GPCPD1: variants seen among roughly 807,000 people sequenced by gnomAD.
GPCPD1 encodes the protein glycerophosphocholine phosphodiesterase 1.
GPCPD1 carries 29 observed loss-of-function variants against 89.2 expected under a neutral mutation model. The ratio of observed to expected loss-of-function variants is 0.33; its 90% CI spans 0.24 to 0.44. The LOEUF (loss-of-function observed/expected upper bound fraction) is 0.44, where lower values mean the gene tolerates loss of function less well. Among genes scored for constraint, GPCPD1 ranks in the 20% least tolerant of loss-of-function variants. The pLI, the probability that GPCPD1 is intolerant of heterozygous loss-of-function variation, is 1.00. For missense variants in GPCPD1, 594 were observed against 808.9 expected (o/e 0.73, Z 3.22); for synonymous variants, 258 against 266.3 (o/e 0.97, Z 0.30).
chr20:5,608,433 A>G (rs1980739824), intron 1 of GPCPD1, among the ~76,000 whole-genome samples: 1 of 152,184 alleles, frequency 6.6e-6, no homozygotes, highest in African/African-American at 2.4e-5. Context: ...ACCAAATAAA[A>G]GCCTCAGGAG....
At chr20:5,609,419 A>C (rs1980806074) in intron 1 of GPCPD1, among the ~76,000 whole-genome samples, 1 of 152,228 alleles carries the variant, frequency 6.6e-6, no homozygotes, top group Admixed American at 6.5e-5. Context: ...ACGTTAATGG[A>C]TCTTTATTTA....
intron 2 of GPCPD1, 49 bp from the exon 3 acceptor site, chr20:5,598,870 A>C: frequency 8.5e-7 from 1 of 1,170,102 alleles, no homozygotes. Context: ...AATCAGTCAC[A>C]GTGGGATAAG....
chr20:5,576,769 C>T (rs1978290301), intron 8 of GPCPD1, among the ~76,000 whole-genome samples: 1 of 152,138 alleles, frequency 6.6e-6, no homozygotes. Context: ...ATACTATACT[C>T]ACTTTGAGAT....
intron 3 of GPCPD1, 73 bp downstream of exon 3, chr20:5,598,652 G>C: frequency 1.2e-6 from 1 of 816,410 alleles, no homozygotes; most frequent in East Asian, 2.6e-5. Flanking sequence ...AAAATACCAA[G>C]ATATCTTAAA....
rs767232130 is a variant in GPCPD1, at chr20:5,567,513, T to G, written c.1197A>C (p.Glu399Asp). 6.4e-7 allele frequency: 1 copy of G among 1,564,270 alleles called. No individual in the cohort carries two copies. Among genetic ancestry groups the G allele is most frequent in the East Asian group, 2.3e-5 (1 of 43,796 alleles). ...PVELFEIPVK[E>D]LTFDQLQLLK... Reference sequence around the variant, plus strand: ...ACAACTGGAGTTGGTCAAATGTTAATTCTTTTACTGGAATTTCAAATAATT... The same window carrying G: ...ACAACTGGAGTTGGTCAAATGTTAAGTCTTTTACTGGAATTTCAAATAATT... Residue 399 changes from glutamate to aspartate, a missense_variant, in exon 13 of 20, where the codon GAA becomes GAC. Transcript: ENST00000379019.
chr20:5,600,403 A>G (rs2122789535), intron 2 of GPCPD1, among the ~76,000 whole-genome samples: 1 of 152,090 alleles, frequency 6.6e-6, no homozygotes, highest in South Asian at 2.1e-4. Context: ...AAAAATACAA[A>G]AAGGCCAGGT....
In GPCPD1 at chr20:5,561,509, CT is replaced by C; in HGVS notation, c.1350del (p.Asp451MetfsTer2). 1 of 1,601,588 alleles carries C rather than the reference CT, an allele frequency of 6.2e-7. No individual in the cohort carries two copies. The highest frequency in any genetic ancestry group is 8.5e-7 in the Non-Finnish European group (1 of 1,169,852). On this transcript the variant is annotated frameshift_variant, in exon 16 of 20. Transcript: ENST00000379019. LOFTEE classifies it high-confidence loss of function. ...TTTATTTCAATGTTAAACCCTACAT[CT>C]TCTGGCAAAGACTCTAAAACCTACA... ...SLKMVLESLP[E>X]DVGFNIEIKW...
rs115489051 is a variant in GPCPD1 at position 5,564,239 on chromosome 20, A to G, written c.1329+778T>C. On this transcript the variant is annotated intron_variant, in intron 15 of 19. Transcript: ENST00000379019. ...TTCAGAGTGAATTTCTGAAATTTCA[A>G]TATCATCTTAAGTAAGAGGGGCACT... Among the ~76,000 whole-genome samples, 1,132 of 152,084 alleles carry G rather than the reference A, an allele frequency of 7.4e-3. 12 individuals carry two copies. Among genetic ancestry groups the G allele is most frequent in the African/African-American group, 0.025 (1,041 of 41,482 alleles).
At chr20:5,604,611 C>CGGGGGGG in intron 1 of GPCPD1, among the ~76,000 whole-genome samples, 171 bp from the exon 2 acceptor site, 1 of 6,206 alleles carries the variant, frequency 1.6e-4, no homozygotes, top group African/African-American at 4.0e-4. Flanking sequence ...AACTTTAGTG[C>CGGGGGGG]GGGGGGGGGG....
chr20:5,586,007 T>C, intron 5 of GPCPD1, 187 bp downstream of exon 5: 1 of 433,452 alleles, frequency 2.3e-6, no homozygotes, highest in South Asian at 6.0e-5. Flanking sequence ...CTAATAAAGT[T>C]TATTTTAAGA....
chr20:5,566,434 G>A (rs576907992), intron 14 of GPCPD1, among the ~76,000 whole-genome samples: 12 of 152,220 alleles, frequency 7.9e-5, no homozygotes, highest in African/African-American at 1.2e-4. Flanking sequence ...CCCTGTAGCC[G>A]GATTCTATAG....
intron 19 of GPCPD1, among the ~76,000 whole-genome samples, chr20:5,555,040 T>A (rs763193299): frequency 8.5e-5 from 13 of 152,208 alleles, no homozygotes; most frequent in Non-Finnish European, 1.9e-4. Context: ...TGTGACTGAA[T>A]TGCTGCAATC....
At chr20:5,559,395 G>A (rs1985961214) in intron 17 of GPCPD1, among the ~76,000 whole-genome samples, 1 of 152,170 alleles carries the variant, frequency 6.6e-6, no homozygotes. Flanking sequence ...ACACCAGCCT[G>A]TGAAAGAGGA....
intron 19 of GPCPD1, 43 bp downstream of exon 19, chr20:5,557,902 A>G: frequency 9.2e-7 from 1 of 1,087,474 alleles, no homozygotes; most frequent in Non-Finnish European, 1.4e-6. Context: ...GATGAAATCT[A>G]TACTTCTAAA....
chr20:5,593,463 A>G, intron 3 of GPCPD1, 52 bp from the exon 4 acceptor site: 1 of 896,568 alleles, frequency 1.1e-6, no homozygotes, highest in Non-Finnish European at 1.8e-6. Context: ...ACTACAGTGC[A>G]TAAAGACTTC....
At chr20:5,581,443 C>A (rs1978476338) in intron 6 of GPCPD1, among the ~76,000 whole-genome samples, 2 of 152,150 alleles carry the variant, frequency 1.3e-5, no homozygotes, top group Admixed American at 1.3e-4. Flanking sequence ...AGCAATTGTT[C>A]TACTAGGGAT....
intron 19 of GPCPD1, among the ~76,000 whole-genome samples, chr20:5,549,771 A>AG (rs1491454097): frequency 7.1e-6 from 1 of 139,960 alleles, no homozygotes; most frequent in Non-Finnish European, 1.6e-5. Flanking sequence ...AAAAAAAAAA[A>AG]TCCTTAATGA....
chr20:5,550,141 C>CCCAGAT (rs1985299799), intron 19 of GPCPD1, among the ~76,000 whole-genome samples: 1 of 151,640 alleles, frequency 6.6e-6, no homozygotes, highest in African/African-American at 2.4e-5. Context: ...TTGCAGTGAG[C>CCCAGAT]CCAGATCGCA....
In GPCPD1 at chr20:5,595,087, C is replaced by A. The variant is rs547424295; in HGVS notation, c.147-1676G>T. Reference sequence around the variant, plus strand: ...ACGACTCTGATCAGTTAGCAGCCATCAACATTGAGACAAAACTCTCCACCA... The same window carrying A: ...ACGACTCTGATCAGTTAGCAGCCATAAACATTGAGACAAAACTCTCCACCA... On this transcript the variant is annotated intron_variant, in intron 3 of 19. Coordinates refer to ENST00000379019, the MANE Select transcript of GPCPD1 (RefSeq NM_019593.5). Among the ~76,000 whole-genome samples the A allele has an allele frequency of 7.2e-5, 11 of 152,300 alleles. No homozygotes were observed. In the East Asian group the frequency reaches 9.6e-4, roughly 13 times the overall value.
Sources: gnomAD v4.1 joint callset for allele counts (sites outside exome capture counted in the v4.1 genomes callset) on GRCh38, gnomAD v4.1.1 for gene constraint, MANE v1.5 for transcripts, NCBI Gene and HGNC (gene_info 2026-07-23, HGNC 2026-07-21) for gene names.